Variants in FRMD4A observed in about 807,000 individuals in gnomAD.
The protein encoded by FRMD4A is FERM domain-containing protein 4A.
Under a neutral mutation model 129.1 loss-of-function variants are expected in FRMD4A, and 29 were observed. The ratio of observed to expected loss-of-function variants is 0.22; its 90% CI spans 0.17 to 0.31. FRMD4A has a LOEUF of 0.31. Among genes scored for constraint, FRMD4A ranks in the 10% least tolerant of loss-of-function variants. The probability of loss-of-function intolerance (pLI) is 1.00; values close to 1 mark genes in which losing one functional copy is unlikely to be tolerated. For synonymous variants in FRMD4A, 634 were observed against 571.6 expected (o/e 1.11, Z -1.56); for missense variants, 1,272 against 1,375.8 (o/e 0.92, Z 1.19).
intron 2 of FRMD4A, among the ~76,000 whole-genome samples, chr10:14,258,462 G>A (rs565600563): frequency 3.3e-5 from 5 of 151,988 alleles, no homozygotes; most frequent in Admixed American, 6.6e-5. Flanking sequence ...TCAGCACCAC[G>A]CATTATTAGG....
At chr10:13,951,933 C>T (rs1009660635) in intron 2 of FRMD4A, among the ~76,000 whole-genome samples, 69 of 84,678 alleles carry the variant, frequency 8.1e-4, no homozygotes, top group African/African-American at 2.2e-3. Context: ...TAATAATAAA[C>T]AATCTAAAAT....
intron 2 of FRMD4A, among the ~76,000 whole-genome samples, chr10:14,000,640 C>T (rs2095638585): frequency 9.2e-5 from 1 of 10,830 alleles, no homozygotes; most frequent in Admixed American, 1.1e-3. Context: ...GAGCAAGACG[C>T]CACCTCAAAA....
intron 2 of FRMD4A, among the ~76,000 whole-genome samples, chr10:14,014,177 C>G (rs1296719145): frequency 6.6e-6 from 1 of 152,076 alleles, no homozygotes; most frequent in Non-Finnish European, 1.5e-5. Context: ...TGGGAGAAAC[C>G]GTCGCTTTGA....
intron 2 of FRMD4A, among the ~76,000 whole-genome samples, chr10:14,144,339 A>G (rs1006668898): frequency 6.6e-6 from 1 of 152,116 alleles, no homozygotes; most frequent in African/African-American, 2.4e-5. Context: ...TGGAGGAGAG[A>G]GGAGGGGACC....
At chr10:14,134,860 A>G (rs1027587446) in intron 2 of FRMD4A, among the ~76,000 whole-genome samples, 2 of 152,212 alleles carry the variant, frequency 1.3e-5, no homozygotes, top group Non-Finnish European at 2.9e-5. Context: ...GTGTGACAAA[A>G]GAAAAACAGA....
intron 2 of FRMD4A, among the ~76,000 whole-genome samples, chr10:13,928,625 C>T (rs2095161149): frequency 6.6e-6 from 1 of 152,166 alleles, no homozygotes; most frequent in African/African-American, 2.4e-5. Context: ...ATCATATATT[C>T]TCCTTAATGG....
chr10:14,042,157 T>TA (rs965292905), intron 2 of FRMD4A, among the ~76,000 whole-genome samples: 10 of 152,362 alleles, frequency 6.6e-5, no homozygotes, highest in Admixed American at 5.9e-4. Flanking sequence ...ATGTACTTTA[T>TA]GTTCTTAGCT....
intron 2 of FRMD4A, among the ~76,000 whole-genome samples, chr10:14,175,230 A>G (rs1841674074): frequency 6.6e-6 from 1 of 152,306 alleles, no homozygotes; most frequent in Non-Finnish European, 1.5e-5. Context: ...TGTGCACCAT[A>G]CATGAACCTA....
chr10:13,683,637 G>A lies in FRMD4A; in HGVS notation c.1118-8593C>T, dbSNP rs560035976. 2.4e-4 allele frequency among the ~76,000 whole-genome samples: 36 copies of A among 151,554 alleles called. No individual in the cohort carries two copies. The East Asian group carries it at 5.4e-3, about 23-fold the overall frequency. On this transcript the variant is annotated intron_variant, in intron 15 of 24. Transcript: ENST00000357447. ...AAGAATGAGACAGGTAGTAGTTGCC[G>A]TAGAAGGTGGAAGGTGGAACCCACA...
intron 2 of FRMD4A, among the ~76,000 whole-genome samples, chr10:14,212,666 G>T (rs1842964701): frequency 6.6e-6 from 1 of 152,206 alleles, no homozygotes; most frequent in African/African-American, 2.4e-5. Flanking sequence ...TGGGCAATAA[G>T]TGAGTTGTTT....
chr10:13,782,985 T>C lies in FRMD4A; in HGVS notation c.321A>G (p.Ser107=), dbSNP rs748043858. The C allele has an allele frequency of 1.1e-5, 16 of 1,449,026 alleles. No individual in the cohort carries two copies. In the South Asian group the frequency reaches 1.6e-4, roughly 14 times the overall value. The allele number at this position is 1,449,026 out of a possible 1,614,324, so 89.8% of individuals were successfully genotyped here. A position where few individuals can be genotyped will look rare whatever the true frequency, so the allele number is the denominator to read the frequency against. ...CAATGGTAGCATTATCCTTCAGGTA[T>C]GAAATGCTTTCTATATAGAACCTGA... is the stretch of plus-strand genomic sequence containing the variant. ...FCVRFYIESI[S]YLKDNATIEL... is the part of the protein sequence containing the mutation. The change falls in exon 6 of 25, where the codon TCA becomes TCG. Residue 107 remains serine (S), a synonymous_variant. Coordinates refer to ENST00000357447, the MANE Select transcript of FRMD4A (RefSeq NM_018027.5).
At chr10:14,318,606 A>C (rs1216294028) in intron 2 of FRMD4A, among the ~76,000 whole-genome samples, 2 of 55,766 alleles carry the variant, frequency 3.6e-5, no homozygotes, top group East Asian at 1.2e-3. Context: ...GCTCTTTGCT[A>C]GTATGCAAAA....
chr10:13,852,574 T>C (rs866350277), intron 3 of FRMD4A, among the ~76,000 whole-genome samples: 48 of 152,352 alleles, frequency 3.2e-4, no homozygotes, highest in African/African-American at 1.1e-3. Context: ...GTGAAATTTA[T>C]TGTATATTTA....
chr10:13,989,002 G>T (rs558078316), intron 2 of FRMD4A, among the ~76,000 whole-genome samples: 1 of 151,900 alleles, frequency 6.6e-6, no homozygotes, highest in Non-Finnish European at 1.5e-5. Flanking sequence ...GCTTGAGAAG[G>T]TGTGCTTTAG....
chr10:13,713,443 C>A (rs539321452), intron 12 of FRMD4A, among the ~76,000 whole-genome samples: 1 of 152,282 alleles, frequency 6.6e-6, no homozygotes, highest in Admixed American at 6.5e-5. Context: ...GGAATAATCT[C>A]CAAGCTCAGA....
intron 2 of FRMD4A, among the ~76,000 whole-genome samples, chr10:13,921,946 T>G (rs751084902): frequency 1.3e-5 from 2 of 152,188 alleles, no homozygotes; most frequent in Non-Finnish European, 2.9e-5. Flanking sequence ...ATGTGATGGT[T>G]TTTGGAGAGG....
chr10:14,017,042 CA>C (rs2095701495), intron 2 of FRMD4A, among the ~76,000 whole-genome samples: 1 of 152,182 alleles, frequency 6.6e-6, no homozygotes, highest in Non-Finnish European at 1.5e-5. Context: ...GATTTGTCCC[CA>C]AAAGAACTCC....
At chr10:14,169,954 G>T (rs1365954477) in intron 2 of FRMD4A, among the ~76,000 whole-genome samples, 1 of 152,112 alleles carries the variant, frequency 6.6e-6, no homozygotes, top group Non-Finnish European at 1.5e-5. Flanking sequence ...CTTTACATGA[G>T]AAATTCCAGT....
chr10:13,663,595 C>T (rs1030852349), intron 18 of FRMD4A, 86 bp from the exon 19 acceptor site: 4 of 753,922 alleles, frequency 5.3e-6, no homozygotes, highest in Middle Eastern at 2.3e-4. Flanking sequence ...TCTACTACCA[C>T]CTCATACCTT....
Sources: allele counts gnomAD v4.1 joint callset (sites outside exome capture counted in the v4.1 genomes callset), GRCh38; gene constraint gnomAD v4.1.1; transcripts MANE v1.5; gene names NCBI Gene and HGNC (gene_info 2026-07-23, HGNC 2026-07-21).